Variants in ZNF519 observed in about 807,000 individuals in gnomAD.
ZNF519 encodes similar to Zinc finger protein 85 (Zinc finger protein HPF4) (HTF1).
Under a neutral mutation model 7.4 loss-of-function variants are expected in ZNF519, and 7 were observed. The ratio of observed to expected loss-of-function variants is 0.94; its 90% CI spans 0.54 to 1.77. ZNF519 has a LOEUF of 1.77. Ranked by LOEUF, ZNF519 falls within the 40% of genes most tolerant of loss-of-function variation. The probability of loss-of-function intolerance (pLI) is 0.00; values close to 1 mark genes in which losing one functional copy is unlikely to be tolerated. For missense variants in ZNF519, 586 were observed against 623.1 expected, an observed-to-expected ratio of 0.94 and a Z score of 0.63; for synonymous variants, 179 against 203.3, an observed-to-expected ratio of 0.88 and a Z score of 1.02.
chr18:14,095,101 G>A (rs566995500), downstream of ZNF519, among the ~76,000 whole-genome samples: 2 of 152,298 alleles, frequency 1.3e-5, no homozygotes, highest in African/African-American at 4.8e-5. Flanking sequence ...TTAGGGGCAC[G>A]TGACAATCTC....
chr18:14,128,401 A>G (rs190584604), intron 1 of ZNF519, among the ~76,000 whole-genome samples: 1 of 152,308 alleles, frequency 6.6e-6, no homozygotes, highest in East Asian at 1.9e-4. Flanking sequence ...ATACTAAGAG[A>G]TTGCAAACAG....
At chr18:14,115,037 T>C (rs543755235) in intron 2 of ZNF519, among the ~76,000 whole-genome samples, 6 of 152,340 alleles carry the variant, frequency 3.9e-5, no homozygotes, top group African/African-American at 1.2e-4. Flanking sequence ...CATAGATATA[T>C]GCACTTAACA....
intron 2 of ZNF519, among the ~76,000 whole-genome samples, chr18:14,118,906 C>T (rs2046258052): frequency 2.6e-5 from 4 of 152,220 alleles, no homozygotes; most frequent in Admixed American, 2.0e-4. Context: ...CAGTTAGAGA[C>T]CTGTGAAAAC....
At chr18:14,129,842 A>G (rs2046321037) in intron 1 of ZNF519, among the ~76,000 whole-genome samples, 1 of 152,164 alleles carries the variant, frequency 6.6e-6, no homozygotes, top group South Asian at 2.1e-4. Context: ...CTCAAGCTCA[A>G]TAATTTGATA....
intron 2 of ZNF519, among the ~76,000 whole-genome samples, chr18:14,108,927 C>T (rs777680368): frequency 6.6e-6 from 1 of 151,874 alleles, no homozygotes; most frequent in Non-Finnish European, 1.5e-5. Context: ...CCCATCTCTA[C>T]TAAAAATACA....
chr18:14,124,267 G>A, intron 2 of ZNF519, 83 bp downstream of exon 2: 3 of 1,288,098 alleles, frequency 2.3e-6, no homozygotes, highest in Non-Finnish European at 3.1e-6. Context: ...ATGCAAAGCA[G>A]AAGCTCTCAA....
chr18:14,091,592 G>A (rs1212277997), intron 2 of ZNF519, among the ~76,000 whole-genome samples: 1 of 152,158 alleles, frequency 6.6e-6, no homozygotes, highest in Non-Finnish European at 1.5e-5. Flanking sequence ...ACAGAGCAAT[G>A]AAGACTCGAA....
chr18:14,127,609 G>A lies in ZNF519; in HGVS notation c.4-3133C>T, dbSNP rs186144158. On this transcript the variant is annotated intron_variant, in intron 1 of 2. Coordinates refer to ENST00000590202, the MANE Select transcript of ZNF519 (RefSeq NM_145287.4). Reference sequence around the variant, plus strand: ...TGTGTGGGCATTTGGGCAAGGGGAGGTGGGAGGGAGTTGAAGTTTTCAGGT... The same window carrying A: ...TGTGTGGGCATTTGGGCAAGGGGAGATGGGAGGGAGTTGAAGTTTTCAGGT... Among the ~76,000 whole-genome samples the A allele has an allele frequency of 7.9e-5, 12 of 152,292 alleles. No individual in the cohort carries two copies. The East Asian group carries it at 2.3e-3, about 29-fold the overall frequency.
At chr18:14,111,795 T>A (rs1451821571) in intron 2 of ZNF519, among the ~76,000 whole-genome samples, 1 of 152,124 alleles carries the variant, frequency 6.6e-6, no homozygotes, top group Non-Finnish European at 1.5e-5. Flanking sequence ...AAAAACCTCC[T>A]ATGAGAGAAA....
At chr18:14,131,415 G>T (rs1183952019) in intron 1 of ZNF519, among the ~76,000 whole-genome samples, 1 of 152,194 alleles carries the variant, frequency 6.6e-6, no homozygotes, top group Non-Finnish European at 1.5e-5. Flanking sequence ...GGGAATGTCA[G>T]CAAGAAACCG....
intron 2 of ZNF519, among the ~76,000 whole-genome samples, chr18:14,123,519 G>A (rs1371998124): frequency 6.6e-6 from 1 of 152,154 alleles, no homozygotes; most frequent in Non-Finnish European, 1.5e-5. Context: ...AGGAGTTCAA[G>A]ATCAGCCTGG....
intron 2 of ZNF519, among the ~76,000 whole-genome samples, chr18:14,112,569 C>T (rs1475082234): frequency 2.6e-5 from 4 of 152,040 alleles, no homozygotes; most frequent in Non-Finnish European, 5.9e-5. Flanking sequence ...CACTAAAACA[C>T]TATTAGAACT....
chr18:14,077,246 A>T (rs1034733821), exon 5 of ZNF519: 4 of 152,186 alleles, frequency 2.6e-5, no homozygotes, highest in African/African-American at 9.7e-5. Context: ...TGGCTCACTG[A>T]TTATTTCCTC....
intron 3 of ZNF519, among the ~76,000 whole-genome samples, chr18:14,081,280 G>C (rs1008039110): frequency 1.3e-5 from 2 of 152,080 alleles, no homozygotes; most frequent in Non-Finnish European, 2.9e-5. Context: ...ATAAGAAACA[G>C]TGAGATGTTC....
At position 14,101,898 on chromosome 18, in the gene ZNF519, G is replaced by C. The variant is rs1487230164; in HGVS notation, c.*3019C>G. On this transcript the variant is annotated 3_prime_UTR_variant, in exon 3 of 3. Transcript: ENST00000590202. Reference sequence around the variant, plus strand: ...AGACCAGAGTCTACATAAACCTCCTGCCCTCTACTTTTTCTCCTAAATGCA... The same window carrying C: ...AGACCAGAGTCTACATAAACCTCCTCCCCTCTACTTTTTCTCCTAAATGCA... 5 of 395,838 alleles carry C rather than the reference G, an allele frequency of 1.3e-5. No individual in the cohort carries two copies. The highest frequency in any genetic ancestry group is 2.2e-5 in the Non-Finnish European group (5 of 225,040). The allele number at this position is 395,838 out of a possible 1,614,324, so 24.5% of individuals were successfully genotyped here.
chr18:14,114,142 A>G (rs2046235231), intron 2 of ZNF519, among the ~76,000 whole-genome samples: 1 of 151,952 alleles, frequency 6.6e-6, no homozygotes, highest in Non-Finnish European at 1.5e-5. Context: ...CTTTAACTTG[A>G]TGTGATTCCA....
At chr18:14,086,115 G>A (rs1036698936) in intron 2 of ZNF519, among the ~76,000 whole-genome samples, 2 of 152,192 alleles carry the variant, frequency 1.3e-5, no homozygotes, top group African/African-American at 4.8e-5. Context: ...CCCACTGGAG[G>A]GAAGGAAAGG....
chr18:14,128,402 T>C (rs1489465977), intron 1 of ZNF519, among the ~76,000 whole-genome samples: 2 of 152,080 alleles, frequency 1.3e-5, no homozygotes, highest in Admixed American at 6.5e-5. Flanking sequence ...TACTAAGAGA[T>C]TGCAAACAGA....
intron 2 of ZNF519, among the ~76,000 whole-genome samples, chr18:14,111,259 C>T (rs537431289): frequency 6.7e-6 from 1 of 148,912 alleles, no homozygotes; most frequent in South Asian, 2.1e-4. Context: ...AATCCCGGCA[C>T]TTTAGGAGGC....
Sources: allele counts gnomAD v4.1 joint callset (sites outside exome capture counted in the v4.1 genomes callset), GRCh38; gene constraint gnomAD v4.1.1; transcripts MANE v1.5; gene names NCBI Gene and HGNC (gene_info 2026-07-23, HGNC 2026-07-21).